The following DCC variants were observed in gnomAD, a reference collection of about 807,000 sequenced individuals.
The protein encoded by DCC is DCC netrin 1 receptor.
In DCC, 58 loss-of-function variants were observed where a neutral mutation model predicts 172.5. That is an observed-to-expected ratio of 0.34 (90% confidence interval 0.27 to 0.42). DCC has a LOEUF of 0.42. Among genes scored for constraint, DCC ranks in the 10% least tolerant of loss-of-function variants. The pLI is 1.00. For synonymous variants in DCC, 709 were observed against 644.5 expected (o/e 1.10, Z -1.52); for missense variants, 1,740 against 1,791.0 (o/e 0.97, Z 0.51).
chr18:53,418,350 G>T (rs1910440650), intron 21 of DCC, among the ~76,000 whole-genome samples: 1 of 152,012 alleles, frequency 6.6e-6, no homozygotes, highest in South Asian at 2.1e-4. Context: ...CCACATGCAT[G>T]AGAAATAACC....
At chr18:52,437,716 G>T (rs1987841622) in intron 1 of DCC, among the ~76,000 whole-genome samples, 1 of 152,150 alleles carries the variant, frequency 6.6e-6, no homozygotes, top group Non-Finnish European at 1.5e-5. Flanking sequence ...GATTTACATG[G>T]TTTTTTATGC....
chr18:53,458,210 T>C (rs1031795326), intron 23 of DCC, among the ~76,000 whole-genome samples: 9 of 152,154 alleles, frequency 5.9e-5, no homozygotes, highest in Non-Finnish European at 1.3e-4. Context: ...TTTAAAGAAA[T>C]AGAAGTTACA....
intron 1 of DCC, among the ~76,000 whole-genome samples, chr18:52,375,134 T>C (rs1985292549): frequency 6.6e-6 from 1 of 152,228 alleles, no homozygotes; most frequent in African/African-American, 2.4e-5. Flanking sequence ...AGGACTCTTA[T>C]TAAAAATAAA....
rs149971195 is a variant in DCC at position 52,718,758 on chromosome 18, G to A, written c.92-33296G>A. ...ATTCTGTTTCTACCATTCTCTAGGC[G>A]TTTATAGACAATGTTTATTAAATAT... is the stretch of plus-strand genomic sequence containing the variant. On this transcript the variant is annotated intron_variant, in intron 1 of 28. Coordinates refer to ENST00000442544, the MANE Select transcript of DCC (RefSeq NM_005215.4). Among the ~76,000 whole-genome samples, 189 of 152,240 alleles carry A rather than the reference G, an allele frequency of 1.2e-3. 5 individuals carry two copies. In the East Asian group the frequency reaches 0.029, roughly 23 times the overall value.
chr18:52,665,302 C>T (rs550904162), intron 1 of DCC, among the ~76,000 whole-genome samples: 23 of 152,160 alleles, frequency 1.5e-4, no homozygotes, highest in Non-Finnish European at 3.4e-4. Flanking sequence ...AGGGACACTT[C>T]TGGGTATGAC....
intron 12 of DCC, among the ~76,000 whole-genome samples, chr18:53,216,098 T>C (rs988894594): frequency 6.6e-6 from 1 of 152,208 alleles, no homozygotes; most frequent in Non-Finnish European, 1.5e-5. Flanking sequence ...TGTAGCGATG[T>C]TACCTAGTTG....
At chr18:52,741,982 T>C (rs929606605) in intron 1 of DCC, among the ~76,000 whole-genome samples, 1 of 152,144 alleles carries the variant, frequency 6.6e-6, no homozygotes, top group African/African-American at 2.4e-5. Context: ...TCCCCCATGA[T>C]AGGATTACCT....
chr18:53,403,090 ACACACAC>A (rs1568109653), intron 19 of DCC, among the ~76,000 whole-genome samples, 197 bp downstream of exon 19: 4 of 136,270 alleles, frequency 2.9e-5, no homozygotes, highest in Non-Finnish European at 6.8e-5. Flanking sequence ...ACACACACAC[ACACACAC>A]ACACACACAC....
At chr18:52,776,163 A>G (rs2037428716) in intron 2 of DCC, among the ~76,000 whole-genome samples, 1 of 152,232 alleles carries the variant, frequency 6.6e-6, no homozygotes, top group Non-Finnish European at 1.5e-5. Flanking sequence ...GCAAAAGTGA[A>G]CAGTAGAAAA....
intron 1 of DCC, among the ~76,000 whole-genome samples, chr18:52,367,959 G>T (rs1305540533): frequency 6.6e-6 from 1 of 152,174 alleles, no homozygotes; most frequent in African/African-American, 2.4e-5. Context: ...TGGAGGGGTT[G>T]TTCCAGTCCA....
intron 1 of DCC, among the ~76,000 whole-genome samples, chr18:52,738,641 C>T (rs979729016): frequency 6.6e-6 from 1 of 152,064 alleles, no homozygotes; most frequent in African/African-American, 2.4e-5. Context: ...CTAGGCTACA[C>T]CAAATTTATT....
chr18:52,568,718 G>A (rs2033223009), intron 1 of DCC, among the ~76,000 whole-genome samples: 1 of 151,994 alleles, frequency 6.6e-6, no homozygotes, highest in Admixed American at 6.6e-5. Context: ...TTCTCATTTA[G>A]ATGTACCCAT....
At position 53,455,477 on chromosome 18, in the gene DCC, C is replaced by T. The variant is rs770237157; in HGVS notation, c.3393-3755C>T. On this transcript the variant is annotated intron_variant, in intron 23 of 28. Transcript: ENST00000442544. ...AAAGTGAAAAGGAAAAAAAACTCCCCTTACAGTAATAGGTTATGCATAAAG... is the reference window on the plus strand; with the variant it reads ...AAAGTGAAAAGGAAAAAAAACTCCCTTTACAGTAATAGGTTATGCATAAAG... 2.4e-4 allele frequency among the ~76,000 whole-genome samples: 37 copies of T among 152,270 alleles called. 1 individual carries two copies. The highest frequency in any genetic ancestry group is 5.3e-4 in the Non-Finnish European group (36 of 68,022).
intron 1 of DCC, among the ~76,000 whole-genome samples, chr18:52,446,604 A>G (rs923971042): frequency 2.6e-5 from 4 of 152,234 alleles, no homozygotes; most frequent in Admixed American, 2.0e-4. Context: ...GTGTGACATT[A>G]CAGTCTACTT....
At chr18:52,393,868 C>CTAGAT (rs1450522475) in intron 1 of DCC, among the ~76,000 whole-genome samples, 2 of 152,042 alleles carry the variant, frequency 1.3e-5, no homozygotes, top group Non-Finnish European at 2.9e-5. Context: ...AATTACTAGA[C>CTAGAT]TAGATTATTT....
chr18:53,348,907 G>A (rs1386741640), intron 15 of DCC, among the ~76,000 whole-genome samples: 1 of 152,148 alleles, frequency 6.6e-6, no homozygotes, highest in Non-Finnish European at 1.5e-5. Context: ...CATGGGAGGG[G>A]CTGCACTGAA....
At chr18:52,501,753 A>AT (rs2031030592) in intron 1 of DCC, among the ~76,000 whole-genome samples, 2 of 151,898 alleles carry the variant, frequency 1.3e-5, no homozygotes, top group African/African-American at 4.8e-5. Context: ...CTGAGTGGAT[A>AT]TTTTTTCTAA....
At chr18:52,793,022 G>GAGTGC (rs202144506) in intron 2 of DCC, among the ~76,000 whole-genome samples, 6,552 of 152,262 alleles carry the variant, frequency 0.043, 219 homozygotes, top group South Asian at 0.16. Flanking sequence ...AAGGAGAGAG[G>GAGTGC]AGCTCTTGTG....
chr18:53,280,680 G>A (rs890773049), intron 12 of DCC, among the ~76,000 whole-genome samples: 11 of 151,802 alleles, frequency 7.2e-5, no homozygotes, highest in African/African-American at 1.9e-4. Context: ...ATTAATGAAC[G>A]TACTGGAAAA....
Sources: gnomAD v4.1 joint callset for allele counts (sites outside exome capture counted in the v4.1 genomes callset) on GRCh38, gnomAD v4.1.1 for gene constraint, MANE v1.5 for transcripts, NCBI Gene and HGNC (gene_info 2026-07-23, HGNC 2026-07-21) for gene names.